Variants in PARP1 observed in about 807,000 individuals in gnomAD.
PARP1 encodes the protein poly [ADP-ribose] polymerase 1.
PARP1 carries 44 observed loss-of-function variants against 118.7 expected under a neutral mutation model. The ratio of observed to expected loss-of-function variants is 0.37; its 90% confidence interval spans 0.29 to 0.48. PARP1 has a LOEUF of 0.48. PARP1 is among the 20% of genes least tolerant of loss of function. The pLI is 0.99. For synonymous variants in PARP1, 492 were observed against 483.2 expected, an observed-to-expected ratio of 1.02 and a Z score of -0.24; for missense variants, 1,100 against 1,272.4, an observed-to-expected ratio of 0.86 and a Z score of 2.06.
At chr1:226,362,375 A>G in intron 21 of PARP1, 1 of 386,984 alleles carries the variant, frequency 2.6e-6, no homozygotes, top group South Asian at 2.2e-5. Flanking sequence ...TAGTAGAGAC[A>G]GGGTTTCACC....
At position 226,401,963 on chromosome 1, in the gene PARP1, A is replaced by T. The variant is rs571737019; in HGVS notation, c.286+251T>A. 11 of 1,443,700 alleles carry T rather than the reference A, an allele frequency of 7.6e-6. No homozygotes were observed. In the South Asian group the frequency reaches 1.5e-4, roughly 20 times the overall value. 89.4% of individuals were successfully genotyped at this position (1,443,700 alleles called of 1,614,324 possible). A position where few individuals can be genotyped will look rare whatever the true frequency, so the allele number is the denominator to read the frequency against. ...CTTACTTTTGCCATGAACAAAAATAAAGTATATTAAAAACAAAACAACTTT... is the reference window on the plus strand; with the variant it reads ...CTTACTTTTGCCATGAACAAAAATATAGTATATTAAAAACAAAACAACTTT... On this transcript the variant is annotated intron_variant, in intron 2 of 22. Transcript: ENST00000366794.
At chr1:226,366,434 A>G in intron 17 of PARP1, 2 of 299,988 alleles carry the variant, frequency 6.7e-6, no homozygotes, top group South Asian at 6.6e-5. Context: ...GGGCCAGAGG[A>G]AGTCACAGCT....
At chr1:226,364,275 G>A in intron 19 of PARP1, 1 of 559,986 alleles carries the variant, frequency 1.8e-6, no homozygotes, top group Non-Finnish European at 3.3e-6. Flanking sequence ...GTGCCAAGGA[G>A]CTGCAAGAAG....
At chr1:226,383,482 A>G (rs1363836718) in intron 7 of PARP1, among the ~76,000 whole-genome samples, 1 of 152,226 alleles carries the variant, frequency 6.6e-6, no homozygotes, top group Non-Finnish European at 1.5e-5. Flanking sequence ...TCGGTCAGGG[A>G]ACCACCACTG....
Position 226,386,385 on chromosome 1 carries a change from T to G in PARP1, c.775A>C (p.Asn259His). Residue 259 changes from asparagine (N) to histidine (H), a missense_variant, in exon 6 of 23, where the codon AAT becomes CAT. Asn to His is a moderately conservative substitution (Grantham distance 68, BLOSUM62 1). Coordinates refer to ENST00000366794, the MANE Select transcript of PARP1 (RefSeq NM_001618.4). ...KDELKKVCST[N>H]DLKELLIFNK... is the part of the protein sequence containing the mutation. ...AAGATGAGTAGCTCCTTCAGGTCAT[T>G]AGTTGAACACACTTTCTTTAGCTCG... The G allele has an allele frequency of 6.2e-7, 1 of 1,614,106 alleles. No homozygotes were observed. Among genetic ancestry groups the G allele is most frequent in the Non-Finnish European group, 8.5e-7 (1 of 1,179,970 alleles).
At chr1:226,374,174 A>T in intron 14 of PARP1, 52 bp downstream of exon 14, 2 of 1,607,806 alleles carry the variant, frequency 1.2e-6, no homozygotes, top group Non-Finnish European at 1.7e-6. Context: ...CTAGCTCAGC[A>T]AATAATCATC....
chr1:226,380,217 A>T, intron 9 of PARP1, 53 bp from the exon 10 acceptor site: 1 of 1,564,824 alleles, frequency 6.4e-7, no homozygotes, highest in East Asian at 2.2e-5. Flanking sequence ...AACAAAACTG[A>T]AACTTCAAAT....
chr1:226,361,436 G>A lies in PARP1; in HGVS notation c.*24C>T. Reference sequence around the variant, plus strand: ...GGTGAATTCATACCAGAGCCACCGGGTGTGACTCGGCTACCTCTCCCAATT... The same window carrying A: ...GGTGAATTCATACCAGAGCCACCGGATGTGACTCGGCTACCTCTCCCAATT... On this transcript the variant is annotated 3_prime_UTR_variant, in exon 23 of 23. Transcript: ENST00000366794. The A allele has an allele frequency of 8.5e-6, 13 of 1,521,806 alleles. No homozygotes were observed. The highest frequency in any genetic ancestry group is 1.2e-5 in the Non-Finnish European group (13 of 1,096,382). The allele number at this position is 1,521,806 out of a possible 1,614,324, so 94.3% of individuals were successfully genotyped here. A position where few individuals can be genotyped will look rare whatever the true frequency, so the allele number is the denominator to read the frequency against.
intron 7 of PARP1, among the ~76,000 whole-genome samples, chr1:226,383,996 T>C (rs913093209): frequency 6.6e-6 from 1 of 152,200 alleles, no homozygotes; most frequent in Admixed American, 6.5e-5. Flanking sequence ...AGAAAGTATC[T>C]CATTCGTGAC....
chr1:226,362,012 C>T lies in PARP1; in HGVS notation c.2920G>A (p.Gly974Arg), dbSNP rs772757903. 107 of 1,612,534 alleles carry T rather than the reference C, an allele frequency of 6.6e-5. No homozygotes were observed. Among genetic ancestry groups the T allele is most frequent in the East Asian group, 5.1e-4 (23 of 44,896 alleles). The stretch of plus-strand genomic sequence containing the variant: ...GTGTCATTCACACCAGATGAAATCC[C>T]GGTCCCAAGAGGAACGTCTACACCA... ...LDGVDVPLGT[G>R]ISSGVNDTSL... Residue 974 changes from glycine (G) to arginine (R), a missense_variant, in exon 22 of 23, where the codon GGG becomes AGG. Physicochemically the swap from Gly to Arg is moderately radical, Grantham distance 125. Around this residue, in one of 2 missense-constraint regions of PARP1, gnomAD observed 152 missense variants for 240.6 expected, o/e 0.63. Coordinates refer to ENST00000366794, the MANE Select transcript of PARP1 (RefSeq NM_001618.4).
chr1:226,385,749 G>A, intron 6 of PARP1, 69 bp from the exon 7 acceptor site: 1 of 1,379,648 alleles, frequency 7.2e-7, no homozygotes, highest in Non-Finnish European at 1.0e-6. Context: ...TACTAATGTG[G>A]GATGGAGGAA....
chr1:226,390,269 C>T, intron 4 of PARP1, 141 bp downstream of exon 4: 4 of 783,478 alleles, frequency 5.1e-6, no homozygotes, highest in East Asian at 2.6e-5. Context: ...TCTGCTGTCA[C>T]CATTCCTCAG....
At chr1:226,404,545 C>T (rs1665101103) in intron 1 of PARP1, among the ~76,000 whole-genome samples, 1 of 152,212 alleles carries the variant, frequency 6.6e-6, no homozygotes, top group Non-Finnish European at 1.5e-5. Context: ...GCTGTCTCCC[C>T]CAACCACCGG....
chr1:226,387,753 T>C (rs1664744057), intron 5 of PARP1, among the ~76,000 whole-genome samples: 1 of 152,176 alleles, frequency 6.6e-6, no homozygotes, highest in African/African-American at 2.4e-5. Context: ...ATTTTAATTT[T>C]CTGACTCTCT....
intron 8 of PARP1, among the ~76,000 whole-genome samples, 192 bp downstream of exon 8, chr1:226,382,844 C>A (rs529937952): frequency 6.6e-6 from 1 of 152,250 alleles, no homozygotes; most frequent in African/African-American, 2.4e-5. Flanking sequence ...CACTCTCCCA[C>A]CTTGCTGTGG....
At chr1:226,363,861 C>A (rs765298346) in intron 20 of PARP1, 82 bp downstream of exon 20, 89 of 1,496,514 alleles carry the variant, frequency 5.9e-5, no homozygotes, top group Non-Finnish European at 8.1e-5. Flanking sequence ...TTTCTACTCT[C>A]CCAGCCAAGG....
In PARP1 at chr1:226,362,038, T is replaced by C. The variant is rs1215459072; in HGVS notation, c.2894A>G (p.Asp965Gly). The C allele has an allele frequency of 6.2e-7, 1 of 1,613,794 alleles. No homozygotes were observed. Among genetic ancestry groups the C allele is most frequent in the African/African-American group, 1.3e-5 (1 of 74,900 alleles). Reference sequence around the variant, plus strand: ...GGTCCCAAGAGGAACGTCTACACCATCCAGACTAATGTTAGCTGAAGGATC... The same window carrying C: ...GGTCCCAAGAGGAACGTCTACACCACCCAGACTAATGTTAGCTGAAGGATC... The part of the protein sequence containing the change: ...TPDPSANISL[D>G]GVDVPLGTGI... Residue 965 changes from aspartate (D) to glycine (G), a missense_variant, in exon 22 of 23, where the codon GAT becomes GGT. Physicochemically the swap from Asp to Gly is moderately conservative, Grantham distance 94. Transcript: ENST00000366794.
chr1:226,372,295 G>A (rs1446617622), intron 14 of PARP1, among the ~76,000 whole-genome samples: 1 of 152,220 alleles, frequency 6.6e-6, no homozygotes, highest in Admixed American at 6.5e-5. Flanking sequence ...CCAGCTAGCT[G>A]CCTTTTAGCT....
At chr1:226,397,553 G>A (rs1664949392) in intron 2 of PARP1, among the ~76,000 whole-genome samples, 2 of 152,154 alleles carry the variant, frequency 1.3e-5, no homozygotes, top group African/African-American at 4.8e-5. Flanking sequence ...GGGGCCTGGT[G>A]GGAGGTCACT....
Sources: gnomAD v4.1 joint callset for allele counts (sites outside exome capture counted in the v4.1 genomes callset) on GRCh38, gnomAD v4.1.1 for gene constraint, gnomAD v4.1.1 regional missense constraint, MANE v1.5 for transcripts, NCBI Gene and HGNC (gene_info 2026-07-23, HGNC 2026-07-21) for gene names.